Variants in SENP5 observed in about 807,000 individuals in gnomAD.
The protein encoded by SENP5 is SUMO specific peptidase 5, also known as sentrin-specific protease 5.
In SENP5, 21 loss-of-function variants were observed where a neutral mutation model predicts 74.2. The observed-to-expected ratio is 0.28, with a 90% CI of 0.20 to 0.41. The LOEUF (loss-of-function observed/expected upper bound fraction) is 0.41, where lower values mean the gene tolerates loss of function less well. Among genes scored for constraint, SENP5 ranks in the 10% least tolerant of loss-of-function variants. The probability of loss-of-function intolerance (pLI) is 1.00; values close to 1 mark genes in which losing one functional copy is unlikely to be tolerated. For synonymous variants in SENP5, 311 were observed against 312.7 expected (o/e 0.99, Z 0.06); for missense variants, 717 against 889.1 (o/e 0.81, Z 2.46).
intron 9 of SENP5, among the ~76,000 whole-genome samples, chr3:196,930,224 C>T (rs1715986060): frequency 6.6e-6 from 1 of 152,046 alleles, no homozygotes; most frequent in South Asian, 2.1e-4. Context: ...GTTTGTATAC[C>T]TCATGCATGT....
rs563763090 is a variant in SENP5 at position 196,932,136 on chromosome 3, T to G, written c.*1213T>G. On this transcript the variant is annotated 3_prime_UTR_variant, in exon 10 of 10. Coordinates refer to ENST00000323460, the MANE Select transcript of SENP5 (RefSeq NM_152699.5). ...AGTGGCCCTTGTCCATACACTTAGCTGCATTAGGATGAATATCACGCGTCT... is the reference window on the plus strand; with the variant it reads ...AGTGGCCCTTGTCCATACACTTAGCGGCATTAGGATGAATATCACGCGTCT... 1.5e-5 allele frequency: 3 copies of G among 205,884 alleles called. No individual in the cohort carries two copies. The highest frequency in any genetic ancestry group is 6.0e-5 in the South Asian group (1 of 16,592). 12.8% of individuals were successfully genotyped at this position (205,884 alleles called of 1,614,324 possible).
chr3:196,890,969 T>C (rs1714176218), intron 2 of SENP5, among the ~76,000 whole-genome samples: 1 of 152,202 alleles, frequency 6.6e-6, no homozygotes, highest in Non-Finnish European at 1.5e-5. Flanking sequence ...GTTTGGCTAA[T>C]TAAAACCAAA....
At chr3:196,905,245 AC>A (rs1184277636) in intron 6 of SENP5, 1 of 151,996 alleles carries the variant, frequency 6.6e-6, no homozygotes, top group African/African-American at 2.4e-5. Flanking sequence ...ATATGGAAAA[AC>A]TTTTTTCCTT....
At chr3:196,877,137 TAGTG>T (rs1289277311) in intron 1 of SENP5, among the ~76,000 whole-genome samples, 2 of 152,270 alleles carry the variant, frequency 1.3e-5, no homozygotes, top group African/African-American at 4.8e-5. Flanking sequence ...CTGGGCAACA[TAGTG>T]AGACCCCATC....
intron 1 of SENP5, among the ~76,000 whole-genome samples, chr3:196,882,534 T>A (rs1173731539): frequency 6.6e-6 from 1 of 152,120 alleles, no homozygotes; most frequent in Non-Finnish European, 1.5e-5. Context: ...GACAGAGTCT[T>A]GCTCTGTCGC....
chr3:196,911,054 A>T (rs566118882), intron 6 of SENP5, among the ~76,000 whole-genome samples: 6 of 152,208 alleles, frequency 3.9e-5, no homozygotes, highest in Non-Finnish European at 8.8e-5. Context: ...CTTACACCTT[A>T]TACAAAAATT....
At chr3:196,900,754 T>G (rs1389506010) in intron 5 of SENP5, among the ~76,000 whole-genome samples, 1 of 151,774 alleles carries the variant, frequency 6.6e-6, no homozygotes, top group African/African-American at 2.4e-5. Flanking sequence ...CCTGGCTAAT[T>G]TTTGTATTTT....
chr3:196,908,645 G>T (rs932786163), intron 6 of SENP5, among the ~76,000 whole-genome samples: 1 of 152,158 alleles, frequency 6.6e-6, no homozygotes, highest in East Asian at 1.9e-4. Flanking sequence ...CCAACATGGA[G>T]AAACCCCATC....
intron 2 of SENP5, among the ~76,000 whole-genome samples, chr3:196,892,082 G>A (rs1005132536): frequency 2.0e-5 from 3 of 151,246 alleles, no homozygotes; most frequent in Admixed American, 6.6e-5. Context: ...GAGTCACCGC[G>A]CCCGGCCGAC....
chr3:196,879,064 G>A (rs891890180), intron 1 of SENP5, among the ~76,000 whole-genome samples: 1 of 152,054 alleles, frequency 6.6e-6, no homozygotes, highest in Non-Finnish European at 1.5e-5. Flanking sequence ...ATGCTATAAG[G>A]GGCAGTATTA....
intron 1 of SENP5, among the ~76,000 whole-genome samples, chr3:196,870,810 A>G (rs1293183829): frequency 1.3e-5 from 2 of 152,014 alleles, no homozygotes; most frequent in Non-Finnish European, 2.9e-5. Flanking sequence ...GAGCCACTGT[A>G]TCCGGTCAGC....
intron 5 of SENP5, among the ~76,000 whole-genome samples, chr3:196,902,860 T>C (rs1714754222): frequency 6.6e-6 from 1 of 152,218 alleles, no homozygotes; most frequent in East Asian, 1.9e-4. Context: ...AACAGGAGTC[T>C]CTAAATCCAC....
At chr3:196,868,797 AG>A (rs1344067807) in intron 1 of SENP5, among the ~76,000 whole-genome samples, 6 of 152,358 alleles carry the variant, frequency 3.9e-5, no homozygotes, top group African/African-American at 1.4e-4. Context: ...TGAAGAAAGC[AG>A]ACGTTAGTTA....
intron 6 of SENP5, among the ~76,000 whole-genome samples, chr3:196,922,003 C>T (rs768186188): frequency 1.3e-5 from 2 of 152,060 alleles, no homozygotes; most frequent in Non-Finnish European, 1.5e-5. Flanking sequence ...GAATAGCAAG[C>T]ATTTCTAGAT....
chr3:196,927,623 A>C (rs1452444719), intron 7 of SENP5, among the ~76,000 whole-genome samples, 173 bp from the exon 8 acceptor site: 1 of 149,262 alleles, frequency 6.7e-6, no homozygotes, highest in African/African-American at 2.5e-5. Context: ...GTGACAGAGC[A>C]AGATCCTCTC....
rs35207324 is a variant in SENP5, at chr3:196,886,320, A to G, written c.1139A>G (p.His380Arg). The change falls in exon 2 of 10, where the codon CAT becomes CGT. Residue 380 changes from histidine (H) to arginine (R), a missense_variant. Coordinates refer to ENST00000323460, the MANE Select transcript of SENP5 (RefSeq NM_152699.5). ...ATTCATGACATCCCCTTACCAGAAC[A>G]TCGTTCTAATACCATGTTCATTTCA... The part of the protein sequence containing the change: ...ELIHDIPLPE[H>R]RSNTMFISET... 1.3e-3 allele frequency: 2,065 copies of G among 1,614,052 alleles called. 29 individuals are homozygous for G. In the African/African-American group the frequency reaches 0.023, roughly 18 times the overall value.
chr3:196,885,875 A>G lies in SENP5; in HGVS notation c.694A>G (p.Met232Val), dbSNP rs1403693802. The change falls in exon 2 of 10, where the codon ATG becomes GTG. Residue 232 changes from methionine (M) to valine (V), a missense_variant. This residue lies in a region of SENP5 where 567 missense variants were observed against 577.4 expected (regional missense o/e 0.98). Transcript: ENST00000323460. ...AAGGATAAAATTATCTCCTCTTATG[A>G]TGTATGAGAAATTATCCATGATTAG... Reference protein sequence around the residue: ...HRRIKLSPLMMYEKLSMIRFR... With the variant: ...HRRIKLSPLMVYEKLSMIRFR... The G allele has an allele frequency of 2.5e-6, 4 of 1,613,762 alleles. No homozygotes were observed. The highest frequency in any genetic ancestry group is 1.3e-5 in the African/African-American group (1 of 74,984).
chr3:196,899,784 T>G lies in SENP5; in HGVS notation c.1619+13T>G, dbSNP rs1203422432. 3 of 1,556,560 alleles carry G rather than the reference T, an allele frequency of 1.9e-6. No individual in the cohort carries two copies. Among genetic ancestry groups the G allele is most frequent in the African/African-American group, 2.7e-5 (2 of 73,346 alleles). ...ACTTTTCTAATAGGTATATAAATGA[T>G]GCTAAAGTTAAGCCCTTGAAAATAA... On this transcript the variant is annotated intron_variant, in intron 3 of 9. Coordinates refer to ENST00000323460, the MANE Select transcript of SENP5 (RefSeq NM_152699.5).
intron 1 of SENP5, among the ~76,000 whole-genome samples, chr3:196,873,401 T>C (rs911960809): frequency 6.6e-6 from 1 of 152,084 alleles, no homozygotes. Flanking sequence ...CTTTAGATCT[T>C]TAAGTCAATC....
Sources: allele counts gnomAD v4.1 joint callset (sites outside exome capture counted in the v4.1 genomes callset), GRCh38; gene constraint gnomAD v4.1.1; regional missense constraint gnomAD v4.1.1; transcripts MANE v1.5; gene names NCBI Gene and HGNC (gene_info 2026-07-23, HGNC 2026-07-21).